The following PTPRD variants were observed in gnomAD, a reference collection of about 807,000 sequenced individuals.
PTPRD encodes the protein receptor-type tyrosine-protein phosphatase delta.
Under a neutral mutation model 214.5 loss-of-function variants are expected in PTPRD, and 34 were observed. That is an observed-to-expected ratio of 0.16 (90% CI 0.12 to 0.21). The LOEUF (loss-of-function observed/expected upper bound fraction) is 0.21, where lower values mean the gene tolerates loss of function less well. PTPRD is among the 10% of genes least tolerant of loss of function. PTPRD has a pLI of 1.00. For synonymous variants in PTPRD, 1,128 were observed against 845.7 expected (o/e 1.33, Z -5.79); for missense variants, 2,545 against 2,398.7 (o/e 1.06, Z -1.27).
intron 7 of PTPRD, among the ~76,000 whole-genome samples, chr9:9,732,515 G>T (rs981285103): frequency 6.6e-6 from 1 of 152,116 alleles, no homozygotes; most frequent in Non-Finnish European, 1.5e-5. Context: ...AAAAATGATG[G>T]AATTTAGGCA....
intron 4 of PTPRD, among the ~76,000 whole-genome samples, chr9:10,018,743 G>GT (rs1567127803): frequency 6.7e-6 from 1 of 150,230 alleles, no homozygotes; most frequent in African/African-American, 2.4e-5. Flanking sequence ...TAGAGACGGG[G>GT]TTTCACCGTT....
intron 14 of PTPRD, among the ~76,000 whole-genome samples, chr9:8,583,817 T>G (rs2154255196): frequency 6.6e-6 from 1 of 152,336 alleles, no homozygotes; most frequent in African/African-American, 2.4e-5. Context: ...CAGATGTTTG[T>G]TCATTGTTGT....
intron 2 of PTPRD, among the ~76,000 whole-genome samples, chr9:10,511,134 T>C (rs1318309812): frequency 6.6e-6 from 1 of 152,186 alleles, no homozygotes; most frequent in African/African-American, 2.4e-5. Context: ...GTGTATGGAA[T>C]GGATGTGTAT....
At chr9:8,386,012 G>C (rs1357205923) in intron 37 of PTPRD, among the ~76,000 whole-genome samples, 2 of 152,242 alleles carry the variant, frequency 1.3e-5, no homozygotes, top group African/African-American at 2.4e-5. Context: ...GCTATCTTTT[G>C]GGGAAACTGA....
Position 8,338,830 on chromosome 9 carries a change from G to A in PTPRD, c.5379+92C>T, listed in dbSNP as rs1849497895. ...GATTTCTCTTTGGGACAACAGTCAA[G>A]TGGCAAGTGCTTCTCCCAGAGAGAG... On this transcript the variant is annotated intron_variant, in intron 43 of 45. Coordinates refer to ENST00000381196, the MANE Select transcript of PTPRD (RefSeq NM_002839.4). The A allele has an allele frequency of 3.9e-6, 4 of 1,027,002 alleles. No homozygotes were observed. The South Asian group carries it at 8.0e-5, about 21-fold the overall frequency. 63.6% of individuals were successfully genotyped at this position (1,027,002 alleles called of 1,614,324 possible).
At chr9:9,571,332 T>C (rs2086333805) in intron 8 of PTPRD, among the ~76,000 whole-genome samples, 1 of 151,414 alleles carries the variant, frequency 6.6e-6, no homozygotes, top group Non-Finnish European at 1.5e-5. Context: ...TCTCTATATA[T>C]ATCTCACAAG....
intron 9 of PTPRD, among the ~76,000 whole-genome samples, chr9:9,356,669 T>C (rs1277572656): frequency 6.6e-6 from 1 of 151,502 alleles, no homozygotes; most frequent in Non-Finnish European, 1.5e-5. Context: ...AGCTGCATCT[T>C]GAAGAAACAT....
At chr9:10,506,028 A>C (rs10217547) in intron 2 of PTPRD, among the ~76,000 whole-genome samples, 4 of 151,950 alleles carry the variant, frequency 2.6e-5, no homozygotes, top group Non-Finnish European at 2.9e-5. Flanking sequence ...GTGAACATAA[A>C]TATCATTGAA....
At chr9:8,567,546 A>G (rs1348228006) in intron 14 of PTPRD, among the ~76,000 whole-genome samples, 1 of 152,208 alleles carries the variant, frequency 6.6e-6, no homozygotes, top group African/African-American at 2.4e-5. Flanking sequence ...CACAGTCATC[A>G]TGGTATTTCC....
At chr9:8,533,041 A>G (rs1165817005) in intron 14 of PTPRD, among the ~76,000 whole-genome samples, 1 of 152,112 alleles carries the variant, frequency 6.6e-6, no homozygotes, top group Non-Finnish European at 1.5e-5. Flanking sequence ...GTAGGTAGTC[A>G]TGCCTTACAT....
At chr9:9,197,887 G>A (rs1569561298) in intron 9 of PTPRD, among the ~76,000 whole-genome samples, 2 of 152,140 alleles carry the variant, frequency 1.3e-5, no homozygotes, top group African/African-American at 2.4e-5. Context: ...ACAAGCTTCA[G>A]GAAAATAATT....
intron 37 of PTPRD, among the ~76,000 whole-genome samples, chr9:8,381,862 T>C (rs751129735): frequency 1.3e-5 from 2 of 152,172 alleles, no homozygotes; most frequent in Non-Finnish European, 2.9e-5. Flanking sequence ...TGAAAGTCAT[T>C]AAGTCTCAAG....
chr9:10,440,118 A>T (rs561269553), intron 2 of PTPRD, among the ~76,000 whole-genome samples: 11 of 151,686 alleles, frequency 7.3e-5, no homozygotes, highest in Non-Finnish European at 1.2e-4. Context: ...ATCGGCTATT[A>T]CTATTTTTAC....
At chr9:8,383,401 C>A (rs2085819893) in intron 37 of PTPRD, among the ~76,000 whole-genome samples, 1 of 151,930 alleles carries the variant, frequency 6.6e-6, no homozygotes, top group African/African-American at 2.4e-5. Flanking sequence ...AACACCAGCC[C>A]AGTCTCTTTG....
At chr9:8,338,899 AG>A in intron 43 of PTPRD, 22 bp downstream of exon 43, 1 of 1,581,028 alleles carries the variant, frequency 6.3e-7, no homozygotes. Context: ...AATGGTTAAG[AG>A]TTGAAGACTG....
intron 9 of PTPRD, among the ~76,000 whole-genome samples, chr9:9,332,867 A>C (rs2042864805): frequency 6.6e-6 from 1 of 152,084 alleles, no homozygotes; most frequent in South Asian, 2.1e-4. Context: ...AAGTGGATAC[A>C]TGTGCTATAT....
chr9:9,252,357 C>T (rs2099975836), intron 9 of PTPRD, among the ~76,000 whole-genome samples: 1 of 152,070 alleles, frequency 6.6e-6, no homozygotes, highest in Non-Finnish European at 1.5e-5. Context: ...AAGGCATGAA[C>T]TTAAATTTGC....
At chr9:8,976,485 A>G (rs2099268674) in intron 11 of PTPRD, among the ~76,000 whole-genome samples, 1 of 152,110 alleles carries the variant, frequency 6.6e-6, no homozygotes, top group African/African-American at 2.4e-5. Flanking sequence ...CTTCTAGTAA[A>G]TAAAATGGAA....
At chr9:8,612,448 G>A (rs1312674553) in intron 14 of PTPRD, among the ~76,000 whole-genome samples, 3 of 152,180 alleles carry the variant, frequency 2.0e-5, no homozygotes, top group Non-Finnish European at 4.4e-5. Flanking sequence ...TGAAACTGTA[G>A]ATAGATCATT....
Sources: allele counts gnomAD v4.1 joint callset (sites outside exome capture counted in the v4.1 genomes callset), GRCh38; gene constraint gnomAD v4.1.1; transcripts MANE v1.5; gene names NCBI Gene and HGNC (gene_info 2026-07-23, HGNC 2026-07-21).